The following CNTN4 variants were observed in gnomAD, a reference collection of about 807,000 sequenced individuals.
CNTN4 encodes the protein contactin-4.
In CNTN4, 77 loss-of-function variants were observed where a neutral mutation model predicts 122.5. The ratio of observed to expected loss-of-function variants is 0.63; its 90% CI spans 0.52 to 0.76. CNTN4 has a LOEUF of 0.76. Among genes scored for constraint, CNTN4 ranks in the 30% least tolerant of loss-of-function variants. CNTN4 has a pLI of 0.00. For synonymous variants in CNTN4, 512 were observed against 447.0 expected, an observed-to-expected ratio of 1.15 and a Z score of -1.83; for missense variants, 1,256 against 1,259.1, an observed-to-expected ratio of 1.00 and a Z score of 0.04.
chr3:2,413,165 T>A (rs2047290030), intron 3 of CNTN4, among the ~76,000 whole-genome samples: 1 of 152,212 alleles, frequency 6.6e-6, no homozygotes, highest in South Asian at 2.1e-4. Flanking sequence ...GAGGGCTAAC[T>A]CTTCTCACTC....
chr3:2,721,595 G>A (rs1394062458), intron 4 of CNTN4, among the ~76,000 whole-genome samples: 1 of 152,168 alleles, frequency 6.6e-6, no homozygotes, highest in Non-Finnish European at 1.5e-5. Context: ...GAGTGTATGT[G>A]TGTGTGAGAG....
chr3:2,349,242 AT>A (rs112996949), intron 3 of CNTN4, among the ~76,000 whole-genome samples: 19,345 of 150,102 alleles, frequency 0.13, 1,530 homozygotes, highest in Non-Finnish European at 0.18. Context: ...TTGTTGACGT[AT>A]TTTTTTTTTC....
rs73104025 is a variant in CNTN4, at chr3:2,392,076, G to A, written c.-89+52843G>A. On this transcript the variant is annotated intron_variant, in intron 3 of 24. Coordinates refer to ENST00000418658, the MANE Select transcript of CNTN4 (RefSeq NM_175607.3). ...AAATTGCACCCTGCTAAGCAGCGCC[G>A]AGCCAAGTAAAATGTTGCTACATGA... Among the ~76,000 whole-genome samples, 726 of 152,240 alleles carry A rather than the reference G, an allele frequency of 4.8e-3. 8 individuals carry two copies. The highest frequency in any genetic ancestry group is 0.017 in the African/African-American group (694 of 41,552).
chr3:2,578,142 AC>A (rs1465805830), intron 4 of CNTN4, among the ~76,000 whole-genome samples: 1 of 152,128 alleles, frequency 6.6e-6, no homozygotes, highest in African/African-American at 2.4e-5. Context: ...TCTATGATAG[AC>A]AAAAATATAT....
chr3:2,651,414 A>C (rs2083352812), intron 4 of CNTN4, among the ~76,000 whole-genome samples: 1 of 152,218 alleles, frequency 6.6e-6, no homozygotes, highest in African/African-American at 2.4e-5. Flanking sequence ...ATAGGTAGTC[A>C]GTCATTTGGT....
intron 2 of CNTN4, among the ~76,000 whole-genome samples, chr3:2,307,393 C>T (rs1231821991): frequency 1.3e-5 from 2 of 151,494 alleles, no homozygotes; most frequent in South Asian, 2.1e-4. Context: ...CGAGATTGTG[C>T]CACTGCACTC....
At chr3:2,169,262 A>T (rs1195740201) in intron 2 of CNTN4, among the ~76,000 whole-genome samples, 1 of 152,204 alleles carries the variant, frequency 6.6e-6, no homozygotes, top group African/African-American at 2.4e-5. Context: ...AGAAGAGTTC[A>T]GTATTCAGAG....
At chr3:2,777,951 A>G (rs959936943) in intron 6 of CNTN4, among the ~76,000 whole-genome samples, 1 of 152,148 alleles carries the variant, frequency 6.6e-6, no homozygotes, top group Non-Finnish European at 1.5e-5. Context: ...GCGGTGGCTC[A>G]TGCCTGTAAT....
intron 3 of CNTN4, among the ~76,000 whole-genome samples, chr3:2,570,506 A>T (rs1022921644): frequency 1.3e-5 from 2 of 152,158 alleles, no homozygotes; most frequent in African/African-American, 2.4e-5. Flanking sequence ...AATTTTCAAT[A>T]CTTAAAACTT....
At chr3:2,283,773 G>T (rs1008588485) in intron 2 of CNTN4, among the ~76,000 whole-genome samples, 4 of 151,938 alleles carry the variant, frequency 2.6e-5, no homozygotes, top group African/African-American at 9.7e-5. Flanking sequence ...AATTCAAACG[G>T]CTTACAATCC....
chr3:2,583,123 C>T (rs2080022509), intron 4 of CNTN4, among the ~76,000 whole-genome samples: 1 of 152,194 alleles, frequency 6.6e-6, no homozygotes, highest in Non-Finnish European at 1.5e-5. Context: ...ATGCATTCCT[C>T]TTGGAATGGA....
At chr3:2,257,225 T>TG (rs746596871) in intron 2 of CNTN4, among the ~76,000 whole-genome samples, 11 of 152,212 alleles carry the variant, frequency 7.2e-5, no homozygotes, top group Non-Finnish European at 1.6e-4. Context: ...TTGGGAAAAC[T>TG]GGCTAGCCAT....
At chr3:2,150,409 TC>T (rs1188211663) in intron 2 of CNTN4, among the ~76,000 whole-genome samples, 2 of 152,230 alleles carry the variant, frequency 1.3e-5, no homozygotes, top group Non-Finnish European at 2.9e-5. Context: ...TCTCTTTTTT[TC>T]CTTGCAATTT....
chr3:3,026,623 A>G (rs562705790), intron 15 of CNTN4, among the ~76,000 whole-genome samples: 18 of 152,292 alleles, frequency 1.2e-4, no homozygotes, highest in Non-Finnish European at 2.1e-4. Context: ...GTCACATATC[A>G]TATCATATAT....
intron 13 of CNTN4, among the ~76,000 whole-genome samples, chr3:2,952,808 G>A (rs1050019519): frequency 3.3e-5 from 5 of 152,066 alleles, no homozygotes; most frequent in African/African-American, 7.3e-5. Flanking sequence ...TAATTAGAAT[G>A]CAATACCAAC....
intron 2 of CNTN4, among the ~76,000 whole-genome samples, chr3:2,170,083 A>G (rs1448415664): frequency 1.3e-5 from 2 of 151,984 alleles, no homozygotes; most frequent in Non-Finnish European, 2.9e-5. Context: ...GCACTTTGGG[A>G]GGCCGAGGCG....
chr3:2,381,107 G>T (rs974085973), intron 3 of CNTN4, among the ~76,000 whole-genome samples: 1 of 151,646 alleles, frequency 6.6e-6, no homozygotes, highest in Non-Finnish European at 1.5e-5. Context: ...CTGGGTTCCC[G>T]CCATTCTCCT....
intron 4 of CNTN4, among the ~76,000 whole-genome samples, chr3:2,593,373 C>T (rs902005533): frequency 4.6e-5 from 7 of 152,094 alleles, no homozygotes; most frequent in Admixed American, 2.6e-4. Context: ...TCGCAATTAT[C>T]GGATAGGTAG....
At chr3:2,433,607 A>G (rs1055122225) in intron 3 of CNTN4, among the ~76,000 whole-genome samples, 1 of 152,134 alleles carries the variant, frequency 6.6e-6, no homozygotes, top group Non-Finnish European at 1.5e-5. Flanking sequence ...TTGGCTGTAC[A>G]GAAGCTTTTT....
Sources: allele counts gnomAD v4.1 joint callset (sites outside exome capture counted in the v4.1 genomes callset), GRCh38; gene constraint gnomAD v4.1.1; transcripts MANE v1.5; gene names NCBI Gene and HGNC (gene_info 2026-07-23, HGNC 2026-07-21).